The following RAB33A variants were observed in gnomAD, a reference collection of about 807,000 sequenced individuals.
RAB33A encodes ras-related protein Rab-33A.
Under a neutral mutation model 12.0 loss-of-function variants are expected in RAB33A, and 6 were observed. The ratio of observed to expected loss-of-function variants is 0.50; its 90% CI spans 0.27 to 0.99. RAB33A has a LOEUF of 0.99. RAB33A is among the 50% of genes least tolerant of loss of function. The pLI is 0.11. For missense variants in RAB33A, 109 were observed against 192.0 expected (o/e 0.57, Z 2.55); for synonymous variants, 70 against 82.4 (o/e 0.85, Z 0.81).
chrX:130,133,526 C>T, the RAB33A span: 1 of 1,142,755 alleles, frequency 8.8e-7, no homozygotes, highest in Admixed American at 2.3e-5. Context: ...AAAATATAAA[C>T]TTTGGGGGCT....
chrX:130,111,784 G>A, the RAB33A span, among the ~76,000 whole-genome samples: 2 of 112,298 alleles, frequency 1.8e-5, no homozygotes. Flanking sequence ...AAGCCACTCA[G>A]GCACGCTCCC....
At chrX:130,141,492 T>C in the RAB33A span, among the ~76,000 whole-genome samples, 1 of 112,207 alleles carries the variant, frequency 8.9e-6, no homozygotes, top group Admixed American at 9.4e-5. Context: ...CTCCAACTTG[T>C]AGCCTTCACG....
chrX:130,179,253 C>T (rs1465356086), intron 1 of RAB33A, among the ~76,000 whole-genome samples: 1 of 111,861 alleles, frequency 8.9e-6, no homozygotes, highest in Non-Finnish European at 1.9e-5. Flanking sequence ...GCCCTCCTGG[C>T]AGTTCCGGCA....
At chrX:130,162,024 T>A in the RAB33A span, among the ~76,000 whole-genome samples, 1 of 112,540 alleles carries the variant, frequency 8.9e-6, no homozygotes, top group African/African-American at 3.2e-5. Flanking sequence ...GGAAAAATTA[T>A]TTAGATAACA....
At chrX:130,141,301 T>C in the RAB33A span, among the ~76,000 whole-genome samples, 39 of 111,818 alleles carry the variant, frequency 3.5e-4, no homozygotes, top group Admixed American at 1.2e-3. Context: ...GGCAGTCATA[T>C]GTTGGAAATT....
At chrX:130,163,836 G>A in the RAB33A span, among the ~76,000 whole-genome samples, 1 of 111,333 alleles carries the variant, frequency 9.0e-6, no homozygotes, top group African/African-American at 3.3e-5. Flanking sequence ...ACTACTCAAA[G>A]TTTGAAAGGC....
chrX:130,158,099 C>T, the RAB33A span, among the ~76,000 whole-genome samples: 1 of 108,513 alleles, frequency 9.2e-6, no homozygotes, highest in African/African-American at 3.4e-5. Context: ...CCTGTTTCTA[C>T]TAAAAATACA....
the RAB33A span, chrX:130,147,943 A>G: frequency 8.4e-7 from 1 of 1,186,624 alleles, no homozygotes; most frequent in Non-Finnish European, 1.1e-6. Context: ...CCACTGTTAA[A>G]AAAAAATCAC....
the RAB33A span, chrX:130,149,356 A>C: frequency 1.6e-6 from 1 of 623,548 alleles, no homozygotes; most frequent in African/African-American, 2.2e-5. Context: ...AGATGCTTGC[A>C]ATCTCATACC....
intron 1 of RAB33A, among the ~76,000 whole-genome samples, chrX:130,181,395 T>C (rs1332456789): frequency 8.9e-6 from 1 of 112,281 alleles, no homozygotes; most frequent in Non-Finnish European, 1.9e-5. Flanking sequence ...AGTCAATTAG[T>C]GGCCATAATC....
the RAB33A span, among the ~76,000 whole-genome samples, chrX:130,119,851 C>T: frequency 6.1e-4 from 68 of 111,678 alleles, no homozygotes; most frequent in African/African-American, 2.2e-3. Flanking sequence ...AGGAGAGGCA[C>T]CCAGAATGCT....
chrX:130,124,862 G>T, the RAB33A span, among the ~76,000 whole-genome samples: 7 of 111,644 alleles, frequency 6.3e-5, no homozygotes, highest in East Asian at 1.7e-3. Flanking sequence ...GATTGGATTG[G>T]GTATCTTATC....
the RAB33A span, among the ~76,000 whole-genome samples, chrX:130,129,024 A>C: frequency 8.9e-6 from 1 of 112,429 alleles, no homozygotes; most frequent in Non-Finnish European, 1.9e-5. Flanking sequence ...GCAAGGCCTT[A>C]ACATCAGGGC....
At chrX:130,133,795 AT>A in the RAB33A span, among the ~76,000 whole-genome samples, 398 of 99,612 alleles carry the variant, frequency 4.0e-3, no homozygotes, top group African/African-American at 4.9e-3. Flanking sequence ...GCCTGGCTAA[AT>A]TTTTTTTTTT....
chrX:130,118,507 T>G, the RAB33A span, among the ~76,000 whole-genome samples: 2 of 112,734 alleles, frequency 1.8e-5, no homozygotes, highest in African/African-American at 6.4e-5. Flanking sequence ...CTCTTCAGTT[T>G]CCCCACCCTG....
the RAB33A span, among the ~76,000 whole-genome samples, chrX:130,132,378 C>T: frequency 6.2e-5 from 7 of 112,345 alleles, no homozygotes; most frequent in Non-Finnish European, 1.3e-4. Context: ...GTGCTTTTAT[C>T]CCATGCCACA....
At chrX:130,170,563 G>A (rs1053864827), upstream of RAB33A, among the ~76,000 whole-genome samples, 17 of 112,853 alleles carry the variant, frequency 1.5e-4, no homozygotes, top group African/African-American at 5.5e-4. Context: ...CTGAACCCGC[G>A]AATGACTTTA....
the RAB33A span, among the ~76,000 whole-genome samples, chrX:130,161,089 T>C: frequency 1.8e-5 from 2 of 111,317 alleles, no homozygotes; most frequent in Admixed American, 9.6e-5. Context: ...TGTTTTTCCA[T>C]ACTCCCAAAA....
chrX:130,142,125 G>A, the RAB33A span, among the ~76,000 whole-genome samples: 1 of 112,067 alleles, frequency 8.9e-6, no homozygotes, highest in African/African-American at 3.2e-5. Flanking sequence ...TGCTTTCAGA[G>A]TTTAGTGGCC....
Sources: allele counts gnomAD v4.1 joint callset (sites outside exome capture counted in the v4.1 genomes callset), GRCh38; gene constraint gnomAD v4.1.1; transcripts MANE v1.5; gene names NCBI Gene and HGNC (gene_info 2026-07-23, HGNC 2026-07-21).